NBEA: variants seen among roughly 807,000 people sequenced by gnomAD.
NBEA encodes lysosomal-trafficking regulator 2.
In NBEA, 44 loss-of-function variants were observed where a neutral mutation model predicts 343.4. That is an observed-to-expected ratio of 0.13 (90% confidence interval 0.10 to 0.16). The LOEUF (loss-of-function observed/expected upper bound fraction) is 0.16, where lower values mean the gene tolerates loss of function less well. NBEA is among the 10% of genes least tolerant of loss of function. NBEA has a pLI of 1.00. For synonymous variants in NBEA, 1,175 were observed against 1,238.7 expected, an observed-to-expected ratio of 0.95 and a Z score of 1.08; for missense variants, 2,555 against 3,631.3, an observed-to-expected ratio of 0.70 and a Z score of 7.62.
chr13:35,056,201 A>G, intron 7 of NBEA, 72 bp downstream of exon 7: 2 of 1,222,662 alleles, frequency 1.6e-6, no homozygotes, highest in Non-Finnish European at 2.1e-6. Flanking sequence ...TATGAATTAA[A>G]TAATAAAATA....
intron 40 of NBEA, among the ~76,000 whole-genome samples, chr13:35,455,913 G>T (rs574882903): frequency 6.6e-6 from 1 of 152,180 alleles, no homozygotes; most frequent in South Asian, 2.1e-4. Flanking sequence ...ATGTGTGTAT[G>T]TGAGTGTGTT....
intron 10 of NBEA, among the ~76,000 whole-genome samples, chr13:35,086,040 T>C (rs1362220526): frequency 6.6e-6 from 1 of 152,076 alleles, no homozygotes; most frequent in Non-Finnish European, 1.5e-5. Flanking sequence ...AAGGACCTCT[T>C]CAAGGAGAAC....
chr13:35,667,193 A>G (rs2085398343), intron 56 of NBEA, among the ~76,000 whole-genome samples, 181 bp from the exon 57 acceptor site: 1 of 152,204 alleles, frequency 6.6e-6, no homozygotes, highest in African/African-American at 2.4e-5. Flanking sequence ...GATATGTAGC[A>G]GGTACTCTGG....
chr13:35,320,511 C>T (rs1047055685), intron 36 of NBEA, among the ~76,000 whole-genome samples: 1 of 152,120 alleles, frequency 6.6e-6, no homozygotes, highest in African/African-American at 2.4e-5. Flanking sequence ...GACCTTTCTC[C>T]CTGGCTGCCC....
intron 35 of NBEA, among the ~76,000 whole-genome samples, chr13:35,308,444 A>ATATATATATATATATATATATATATG: frequency 6.6e-5 from 2 of 30,392 alleles, no homozygotes; most frequent in Non-Finnish European, 1.5e-4. Flanking sequence ...TTTACTATAT[A>ATATATATATATATATATATATATATG]TATATATATA....
At chr13:35,134,043 G>T (rs2067579305) in intron 17 of NBEA, among the ~76,000 whole-genome samples, 1 of 151,964 alleles carries the variant, frequency 6.6e-6, no homozygotes, top group African/African-American at 2.4e-5. Flanking sequence ...TTGAACCTGA[G>T]GTTAAAAGTT....
chr13:35,155,702 A>G lies in NBEA; in HGVS notation c.2446-72A>G. The G allele has an allele frequency of 5.2e-6, 6 of 1,161,238 alleles. No homozygotes were observed. In the Admixed American group the frequency reaches 5.3e-5, roughly 10 times the overall value. The allele number at this position is 1,161,238 out of a possible 1,614,324, so 71.9% of individuals were successfully genotyped here. A position where few individuals can be genotyped will look rare whatever the true frequency, so the allele number is the denominator to read the frequency against. ...GCATTGACATTTCTTTTGCAGGTTC[A>G]TTGTATATCTATATTTTGCAATTAT... is the stretch of plus-strand genomic sequence containing the variant. On this transcript the variant is annotated intron_variant, in intron 18 of 58. Transcript: ENST00000379939.
At chr13:35,118,509 T>C (rs1411509280) in intron 16 of NBEA, 35 bp downstream of exon 16, 8 of 1,439,010 alleles carry the variant, frequency 5.6e-6, no homozygotes, top group South Asian at 3.7e-5. Context: ...TATTAGACTT[T>C]AATGGAGCAC....
intron 33 of NBEA, among the ~76,000 whole-genome samples, chr13:35,219,848 A>G (rs2074265544): frequency 6.6e-6 from 1 of 152,074 alleles, no homozygotes; most frequent in Admixed American, 6.6e-5. Flanking sequence ...TGTTCTATTC[A>G]TATCTTCAAC....
chr13:35,489,359 G>A (rs533307814), intron 41 of NBEA, among the ~76,000 whole-genome samples: 1 of 151,956 alleles, frequency 6.6e-6, no homozygotes, highest in South Asian at 2.1e-4. Context: ...GCTTTGAGGA[G>A]TTTATAAGTT....
intron 41 of NBEA, among the ~76,000 whole-genome samples, chr13:35,509,655 T>C (rs1202949609): frequency 6.6e-6 from 1 of 152,188 alleles, no homozygotes; most frequent in Non-Finnish European, 1.5e-5. Context: ...GATGCCAGTC[T>C]TTTAAAGATA....
At chr13:35,532,101 C>G (rs2078293489) in intron 41 of NBEA, among the ~76,000 whole-genome samples, 1 of 152,108 alleles carries the variant, frequency 6.6e-6, no homozygotes, top group Admixed American at 6.5e-5. Flanking sequence ...ATATATTAAA[C>G]TTTCTTTTTT....
intron 55 of NBEA, among the ~76,000 whole-genome samples, chr13:35,663,677 C>T (rs1286170525): frequency 6.6e-6 from 1 of 152,020 alleles, no homozygotes; most frequent in Non-Finnish European, 1.5e-5. Flanking sequence ...ATCTTTGAAA[C>T]AATTTTTTTT....
chr13:35,198,577 C>T (rs2072791795), intron 31 of NBEA, among the ~76,000 whole-genome samples: 1 of 151,996 alleles, frequency 6.6e-6, no homozygotes, highest in Admixed American at 6.6e-5. Context: ...TTTTTATGTT[C>T]CTATAGCATT....
At chr13:35,203,092 CCTAAGA>C (rs930115682) in intron 31 of NBEA, among the ~76,000 whole-genome samples, 3 of 152,156 alleles carry the variant, frequency 2.0e-5, no homozygotes, top group African/African-American at 7.2e-5. Context: ...CATTGTCCCT[CCTAAGA>C]CTATCTGTGA....
intron 36 of NBEA, among the ~76,000 whole-genome samples, chr13:35,335,922 C>A (rs1416785512): frequency 6.6e-6 from 1 of 152,062 alleles, no homozygotes; most frequent in East Asian, 1.9e-4. Flanking sequence ...AAGCTTTCAC[C>A]TTCTGCTGGC....
chr13:35,668,568 G>A, intron 58 of NBEA, 49 bp downstream of exon 58: 20 of 1,490,632 alleles, frequency 1.3e-5, no homozygotes, highest in Non-Finnish European at 1.8e-5. Flanking sequence ...GTCATTGAAG[G>A]CTCTCTTCAT....
intron 25 of NBEA, 128 bp downstream of exon 25, chr13:35,169,123 T>A: frequency 1.6e-6 from 1 of 612,496 alleles, no homozygotes; most frequent in Non-Finnish European, 2.6e-6. Flanking sequence ...ATATCTTTTG[T>A]ATATTTAAAA....
intron 34 of NBEA, among the ~76,000 whole-genome samples, chr13:35,278,982 T>C (rs1475362000): frequency 1.3e-5 from 2 of 152,168 alleles, no homozygotes; most frequent in Non-Finnish European, 2.9e-5. Flanking sequence ...ATTGCCTTTC[T>C]TTCTGTTTTT....
Sources: allele counts gnomAD v4.1 joint callset (sites outside exome capture counted in the v4.1 genomes callset), GRCh38; gene constraint gnomAD v4.1.1; transcripts MANE v1.5; gene names NCBI Gene and HGNC (gene_info 2026-07-23, HGNC 2026-07-21).